Variants in MYO10 observed in about 807,000 individuals in gnomAD.
The protein encoded by MYO10 is unconventional myosin-X.
A neutral mutation model predicts 257.3 loss-of-function variants in MYO10; 133 were observed. The ratio of observed to expected loss-of-function variants is 0.52; its 90% CI spans 0.45 to 0.60. The LOEUF is 0.60. MYO10 is among the 20% of genes least tolerant of loss of function. The pLI, the probability that MYO10 is intolerant of heterozygous loss-of-function variation, is 0.00. For synonymous variants in MYO10, 1,104 were observed against 1,028.6 expected, an observed-to-expected ratio of 1.07 and a Z score of -1.40; for missense variants, 2,399 against 2,635.7, an observed-to-expected ratio of 0.91 and a Z score of 1.97.
rs114074265 is a variant in MYO10 at position 16,777,755 on chromosome 5, A to G, written c.930+1790T>C. Among the ~76,000 whole-genome samples the G allele has an allele frequency of 7.8e-4, 119 of 151,992 alleles. 1 individual carries two copies. The highest frequency in any genetic ancestry group is 2.7e-3 in the African/African-American group (113 of 41,454). On this transcript the variant is annotated intron_variant, in intron 9 of 40. Coordinates refer to ENST00000513610, the MANE Select transcript of MYO10 (RefSeq NM_012334.3). ...GGAAAGTAAACTCCATGTGAAGTTC[A>G]TAACAGTAAGTGCTCACTAAATGTC... is the stretch of plus-strand genomic sequence containing the variant.
chr5:16,708,227 C>A (rs538997668), intron 21 of MYO10, among the ~76,000 whole-genome samples: 1 of 152,322 alleles, frequency 6.6e-6, no homozygotes, highest in Non-Finnish European at 1.5e-5. Context: ...TGAATACTTC[C>A]TTGATCATTT....
chr5:16,797,372 T>G (rs193184200), intron 3 of MYO10, among the ~76,000 whole-genome samples: 3 of 152,308 alleles, frequency 2.0e-5, no homozygotes, highest in Admixed American at 2.0e-4. Context: ...GGATAAGGGT[T>G]ACTCAACCTG....
chr5:16,679,906 G>A, intron 33 of MYO10, 41 bp downstream of exon 33: 1 of 1,598,742 alleles, frequency 6.3e-7, no homozygotes, highest in South Asian at 1.1e-5. Flanking sequence ...TAGAATCTCT[G>A]AGCTGTAATC....
At chr5:16,676,463 T>A (rs1736727373) in intron 33 of MYO10, among the ~76,000 whole-genome samples, 1 of 152,172 alleles carries the variant, frequency 6.6e-6, no homozygotes, top group Non-Finnish European at 1.5e-5. Flanking sequence ...ACACCTGTAA[T>A]CCCCGCATTT....
At position 16,802,303 on chromosome 5, in the gene MYO10, G is replaced by A. The variant is rs555269297; in HGVS notation, c.280-7470C>T. ...CGCTATCGAACTGTGCATTAACAAC[G>A]GCTGTGATACATTTTGTTCATGCAT... On this transcript the variant is annotated intron_variant, in intron 3 of 40. Transcript: ENST00000513610. Among the ~76,000 whole-genome samples the A allele has an allele frequency of 2.2e-4, 33 of 152,106 alleles. No individual in the cohort carries two copies. In the South Asian group the frequency reaches 6.7e-3, roughly 31 times the overall value.
At chr5:16,792,132 C>CACAGAG (rs755315207) in intron 4 of MYO10, among the ~76,000 whole-genome samples, 134 of 75,358 alleles carry the variant, frequency 1.8e-3, no homozygotes, top group Middle Eastern at 5.5e-3. Flanking sequence ...CACACACACA[C>CACAGAG]AGAGAGAGAG....
chr5:16,796,204 GAA>G (rs1741942015), intron 3 of MYO10, among the ~76,000 whole-genome samples: 2 of 37,932 alleles, frequency 5.3e-5, no homozygotes, highest in Admixed American at 3.0e-4. Context: ...AAAAAAAAAA[GAA>G]AGAACAGAGA....
intron 14 of MYO10, 84 bp from the exon 15 acceptor site, chr5:16,762,721 T>TG (rs905902589): frequency 1.9e-6 from 2 of 1,044,464 alleles, no homozygotes; most frequent in Admixed American, 4.2e-5. Flanking sequence ...TCCAGCACTT[T>TG]GGGAAGCCAA....
intron 9 of MYO10, 93 bp from the exon 10 acceptor site, chr5:16,769,296 A>G: frequency 7.5e-7 from 1 of 1,337,126 alleles, no homozygotes; most frequent in Non-Finnish European, 9.8e-7. Context: ...ACTAGGTGTT[A>G]TTGAAAAGGC....
intron 3 of MYO10, among the ~76,000 whole-genome samples, chr5:16,802,919 C>A (rs1742162784): frequency 6.8e-6 from 1 of 147,962 alleles, no homozygotes; most frequent in Admixed American, 6.8e-5. Context: ...GCCTGGGCAA[C>A]ACAGTGAGAT....
Position 16,719,989 on chromosome 5 carries a change from C to CGTGTGTGTGTGTGT in MYO10, c.1930-8758_1930-8745dup, listed in dbSNP as rs10526050. Among the ~76,000 whole-genome samples the CGTGTGTGTGTGTGT allele has an allele frequency of 1.5e-4, 22 of 143,548 alleles. No individual in the cohort carries two copies. In the East Asian group the frequency reaches 1.7e-3, roughly 11 times the overall value. The allele number at this position is 143,548 out of a possible 152,430, so 94.2% of individuals were successfully genotyped here. On this transcript the variant is annotated intron_variant, in intron 19 of 40. Coordinates refer to ENST00000513610, the MANE Select transcript of MYO10 (RefSeq NM_012334.3). The stretch of plus-strand genomic sequence containing the variant: ...CTAAAGAAATAAATGTGTGTGCGTG[C>CGTGTGTGTGTGTGT]GTGTGTGTGTGTGTGTGTGTGTGTG...
rs916351134 is a variant in MYO10, at chr5:16,665,063, C to G, written c.*1629G>C. ...ACTAAAAATACAAAACCTAGCCAGG[C>G]GTGGTGATGCATGCCTGTACTCCCA... On this transcript the variant is annotated 3_prime_UTR_variant, in exon 41 of 41. Transcript: ENST00000513610. 6.6e-6 allele frequency: 1 copy of G among 152,058 alleles called. No individual in the cohort carries two copies. The highest frequency in any genetic ancestry group is 2.4e-5 in the African/African-American group (1 of 41,348). The allele number at this position is 152,058 out of a possible 1,614,324, so 9.4% of individuals were successfully genotyped here. A position where few individuals can be genotyped will look rare whatever the true frequency, so the allele number is the denominator to read the frequency against.
intron 2 of MYO10, among the ~76,000 whole-genome samples, chr5:16,854,862 T>G (rs541693253): frequency 1.3e-5 from 2 of 152,018 alleles, no homozygotes; most frequent in East Asian, 3.9e-4. Flanking sequence ...TGAAACTCTA[T>G]CTCTACTAAA....
chr5:16,897,099 A>C (rs1315885998), intron 1 of MYO10, among the ~76,000 whole-genome samples: 6 of 152,276 alleles, frequency 3.9e-5, no homozygotes, highest in African/African-American at 1.4e-4. Flanking sequence ...CTACTACAAA[A>C]TGCTGGTATA....
chr5:16,708,860 G>A (rs1468587883), intron 21 of MYO10, among the ~76,000 whole-genome samples: 1 of 152,210 alleles, frequency 6.6e-6, no homozygotes, highest in African/African-American at 2.4e-5. Flanking sequence ...ACTGTGCCTG[G>A]CTTGCAATTT....
In MYO10 at chr5:16,864,324, C is replaced by T. The variant is rs550481100; in HGVS notation, c.120+13285G>A. 2.0e-3 allele frequency among the ~76,000 whole-genome samples: 299 copies of T among 152,236 alleles called. 1 individual carries two copies. The highest frequency in any genetic ancestry group is 3.7e-3 in the South Asian group (18 of 4,818). On this transcript the variant is annotated intron_variant, in intron 2 of 40. Transcript: ENST00000513610. ...ATTCAGTGTTCATTATAAGGGGCCT[C>T]TCTGGGCCAGGCTCGGCTCCGAGGT...
At chr5:16,827,469 T>G (rs1743034643) in intron 2 of MYO10, among the ~76,000 whole-genome samples, 1 of 152,074 alleles carries the variant, frequency 6.6e-6, no homozygotes, top group African/African-American at 2.4e-5. Context: ...GTATTTTTAG[T>G]AGAGATGCGG....
At chr5:16,861,006 G>T (rs1361689038) in intron 2 of MYO10, among the ~76,000 whole-genome samples, 1 of 152,110 alleles carries the variant, frequency 6.6e-6, no homozygotes, top group Non-Finnish European at 1.5e-5. Flanking sequence ...GAACCTGGTT[G>T]CTCATTAAAC....
chr5:16,667,341 A>G (rs1736219749), intron 40 of MYO10, among the ~76,000 whole-genome samples: 1 of 152,048 alleles, frequency 6.6e-6, no homozygotes, highest in African/African-American at 2.4e-5. Flanking sequence ...GCTCCCTCCC[A>G]TGATGTCCCC....
Sources: gnomAD v4.1 joint callset for allele counts (sites outside exome capture counted in the v4.1 genomes callset) on GRCh38, gnomAD v4.1.1 for gene constraint, MANE v1.5 for transcripts, NCBI Gene and HGNC (gene_info 2026-07-23, HGNC 2026-07-21) for gene names.